Variants in DNAJC13 observed in about 807,000 individuals in gnomAD.
DNAJC13 encodes dnaJ homolog subfamily C member 13.
In DNAJC13, 75 loss-of-function variants were observed where a neutral mutation model predicts 290.5. The observed-to-expected ratio is 0.26, with a 90% CI of 0.21 to 0.31. The LOEUF is 0.31. DNAJC13 is among the 10% of genes least tolerant of loss of function. The pLI is 1.00. For missense variants in DNAJC13, 2,260 were observed against 2,674.5 expected (o/e 0.85, Z 3.42); for synonymous variants, 862 against 892.0 (o/e 0.97, Z 0.60).
chr3:132,420,216 A>G (rs1328745289), intron 1 of DNAJC13, among the ~76,000 whole-genome samples: 2 of 152,242 alleles, frequency 1.3e-5, no homozygotes, highest in East Asian at 1.9e-4. Context: ...AAAAGACTGG[A>G]AAGAACCCTG....
intron 53 of DNAJC13, among the ~76,000 whole-genome samples, chr3:132,526,863 A>G (rs1936274171): frequency 6.6e-6 from 1 of 152,110 alleles, no homozygotes; most frequent in African/African-American, 2.4e-5. Flanking sequence ...TAACTCAAAG[A>G]ACAAATACCA....
At position 132,505,361 on chromosome 3, in the gene DNAJC13, A is replaced by C. The variant is rs1174012738; in HGVS notation, c.4944A>C (p.Thr1648=). ...ESPYLIWNNS[T]RAELLEFLES... is the part of the protein sequence containing the mutation. ...CATATTTGATATGGAACAATTCTAC[A>C]AGAGCAGAATTACTTGAATTTCTTG... Residue 1648 remains threonine (T), a synonymous_variant, in exon 42 of 56, where the codon ACA becomes ACC. Transcript: ENST00000260818. 6.2e-7 allele frequency: 1 copy of C among 1,611,428 alleles called. No individual in the cohort carries two copies. The highest frequency in any genetic ancestry group is 1.3e-5 in the African/African-American group (1 of 74,918).
intron 25 of DNAJC13, among the ~76,000 whole-genome samples, 178 bp downstream of exon 25, chr3:132,479,467 T>G (rs1043005805): frequency 6.6e-6 from 1 of 152,202 alleles, no homozygotes; most frequent in Non-Finnish European, 1.5e-5. Flanking sequence ...ATTCCCTGTA[T>G]AGTCTGTCTT....
intron 55 of DNAJC13, chr3:132,537,345 C>G (rs1936626975): frequency 2.4e-6 from 1 of 411,364 alleles, no homozygotes; most frequent in African/African-American, 2.1e-5. Context: ...TAGTTGTTTG[C>G]CTTGTTTCCT....
chr3:132,492,677 G>T, intron 33 of DNAJC13, 62 bp downstream of exon 33: 1 of 1,460,072 alleles, frequency 6.8e-7, no homozygotes, highest in Non-Finnish European at 9.5e-7. Context: ...AACACTTCTG[G>T]GTATTTTGTC....
At chr3:132,499,667 T>G (rs1935349980) in intron 37 of DNAJC13, 67 bp from the exon 38 acceptor site, 1 of 1,292,728 alleles carries the variant, frequency 7.7e-7, no homozygotes, top group Non-Finnish European at 1.1e-6. Flanking sequence ...ATTTTATTAC[T>G]GCTAGAAAAG....
At chr3:132,436,236 T>C (rs1939382123) in intron 2 of DNAJC13, among the ~76,000 whole-genome samples, 1 of 152,204 alleles carries the variant, frequency 6.6e-6, no homozygotes, top group Non-Finnish European at 1.5e-5. Context: ...CCCCCTCTTT[T>C]GGCAGGCGTT....
At chr3:132,495,202 C>T (rs752907486) in intron 35 of DNAJC13, 36 bp downstream of exon 35, 7 of 1,522,190 alleles carry the variant, frequency 4.6e-6, no homozygotes. Context: ...CATTGGGCTT[C>T]CTCTTGCTCT....
At chr3:132,453,725 ATTTC>A (rs752160880) in intron 8 of DNAJC13, 31 bp downstream of exon 8, 2 of 1,518,862 alleles carry the variant, frequency 1.3e-6, no homozygotes, top group Admixed American at 3.8e-5. Context: ...CTTAAATGAG[ATTTC>A]TTTCTATTGA....
intron 43 of DNAJC13, among the ~76,000 whole-genome samples, chr3:132,508,208 T>G (rs1935654384): frequency 6.6e-6 from 1 of 152,136 alleles, no homozygotes; most frequent in African/African-American, 2.4e-5. Context: ...AAGAAAAGTT[T>G]GAAGCTAGGG....
chr3:132,518,337 C>G (rs373356392), intron 48 of DNAJC13, among the ~76,000 whole-genome samples: 2 of 152,238 alleles, frequency 1.3e-5, no homozygotes, highest in South Asian at 4.1e-4. Flanking sequence ...GCAAGAGATT[C>G]TAGAACCGGG....
rs543264233 is a variant in DNAJC13 at position 132,472,233 on chromosome 3, G to C, written c.2209-912G>C. 2.2e-4 allele frequency among the ~76,000 whole-genome samples: 33 copies of C among 152,312 alleles called. No homozygotes were observed. The South Asian group carries it at 6.8e-3, about 32-fold the overall frequency. On this transcript the variant is annotated intron_variant, in intron 20 of 55. Coordinates refer to ENST00000260818, the MANE Select transcript of DNAJC13 (RefSeq NM_015268.4). Reference sequence around the variant, plus strand: ...CATGAGAGGGAGACCGTGGGGAGAGGGAGACAGAGGGAGAGGGCTGGAGCA... The same window carrying C: ...CATGAGAGGGAGACCGTGGGGAGAGCGAGACAGAGGGAGAGGGCTGGAGCA...
chr3:132,429,844 A>AT (rs1939195788), intron 1 of DNAJC13, among the ~76,000 whole-genome samples: 1 of 152,096 alleles, frequency 6.6e-6, no homozygotes. Context: ...TAGAGGAGCA[A>AT]TTTTCTTCCA....
In DNAJC13 at chr3:132,492,482, G is replaced by C; in HGVS notation, c.3692G>C (p.Arg1231Thr). Residue 1231 changes from arginine to threonine, a missense_variant, in exon 33 of 56, where the codon AGA (arginine) becomes ACA (threonine). This residue lies in a region of DNAJC13 where 1,494 missense variants were observed against 1,693.7 expected (regional missense o/e 0.88). Coordinates refer to ENST00000260818, the MANE Select transcript of DNAJC13 (RefSeq NM_015268.4). ...ACACCTCGTCTTCAGAGTAACACAA[G>C]AGCACTTTATCAGTATTGCCCCATT... ...DFTPRLQSNT[R>T]ALYQYCPIPI... 6.2e-7 allele frequency: 1 copy of C among 1,613,794 alleles called. No homozygotes were observed. The highest frequency in any genetic ancestry group is 8.5e-7 in the Non-Finnish European group (1 of 1,179,834).
At chr3:132,495,201 T>G in intron 35 of DNAJC13, 35 bp downstream of exon 35, 1 of 1,523,680 alleles carries the variant, frequency 6.6e-7, no homozygotes, top group Non-Finnish European at 9.1e-7. Flanking sequence ...GCATTGGGCT[T>G]CCTCTTGCTC....
In DNAJC13 at chr3:132,506,347, C is replaced by T. The variant is rs184662455; in HGVS notation, c.4999-890C>T. On this transcript the variant is annotated intron_variant, in intron 42 of 55. Coordinates refer to ENST00000260818, the MANE Select transcript of DNAJC13 (RefSeq NM_015268.4). ...GATTACAGGCCTGAGTCACCGCGCC[C>T]GGCCTTCTGTACATTATCTTTTACC... Among the ~76,000 whole-genome samples, 528 of 151,682 alleles carry T rather than the reference C, an allele frequency of 3.5e-3. 2 individuals are homozygous for T. Among genetic ancestry groups the T allele is most frequent in the Non-Finnish European group, 4.0e-3 (271 of 67,924 alleles).
intron 48 of DNAJC13, among the ~76,000 whole-genome samples, chr3:132,521,722 G>A (rs900793766): frequency 2.0e-5 from 3 of 152,136 alleles, no homozygotes; most frequent in African/African-American, 7.2e-5. Context: ...ACCTTCTCTT[G>A]TCCTCTGTAG....
intron 55 of DNAJC13, among the ~76,000 whole-genome samples, chr3:132,531,534 A>C (rs1936413824): frequency 1.3e-5 from 2 of 152,336 alleles, no homozygotes; most frequent in South Asian, 4.1e-4. Flanking sequence ...GCGGTGGCTC[A>C]CGCCTATAAT....
intron 54 of DNAJC13, 79 bp downstream of exon 54, chr3:132,528,411 A>C: frequency 6.5e-7 from 1 of 1,526,856 alleles, no homozygotes; most frequent in Non-Finnish European, 8.9e-7. Flanking sequence ...CCTGTGTTCA[A>C]GTTCCACTTA....
Sources: gnomAD v4.1 joint callset for allele counts (sites outside exome capture counted in the v4.1 genomes callset) on GRCh38, gnomAD v4.1.1 for gene constraint, gnomAD v4.1.1 regional missense constraint, MANE v1.5 for transcripts, NCBI Gene and HGNC (gene_info 2026-07-23, HGNC 2026-07-21) for gene names.